Variants in CAST observed in about 807,000 individuals in gnomAD.
CAST encodes MIR583 host.
In CAST, 76 loss-of-function variants were observed where a neutral mutation model predicts 119.6. The observed-to-expected ratio is 0.64, with a 90% confidence interval of 0.53 to 0.77. The LOEUF (loss-of-function observed/expected upper bound fraction) is 0.77. Among genes scored for constraint, CAST ranks in the 30% least tolerant of loss-of-function variants. The probability of loss-of-function intolerance (pLI) is 0.00; values close to 1 mark genes in which losing one functional copy is unlikely to be tolerated. For synonymous variants in CAST, 319 were observed against 331.6 expected (o/e 0.96, Z 0.41); for missense variants, 953 against 946.5 (o/e 1.01, Z -0.09).
At chr5:96,211,282 T>G in the CAST span, among the ~76,000 whole-genome samples, 1 of 152,042 alleles carries the variant, frequency 6.6e-6, no homozygotes, top group East Asian at 1.9e-4. Context: ...CATCATTAAG[T>G]ATAATAGTGG....
chr5:96,638,346 C>A (rs944138610), intron 1 of CAST, among the ~76,000 whole-genome samples: 1 of 152,064 alleles, frequency 6.6e-6, no homozygotes, highest in African/African-American at 2.4e-5. Context: ...GTGGAGGTTG[C>A]AGTGAGCCAA....
At chr5:96,510,211 G>A in the CAST span, among the ~76,000 whole-genome samples, 1 of 152,204 alleles carries the variant, frequency 6.6e-6, no homozygotes, top group East Asian at 1.9e-4. Flanking sequence ...TGCTGCTGAT[G>A]AGTCTTGCAG....
the CAST span, among the ~76,000 whole-genome samples, chr5:96,303,109 T>A: frequency 2.6e-5 from 4 of 152,208 alleles, no homozygotes; most frequent in East Asian, 7.7e-4. Flanking sequence ...GAAACTTAAA[T>A]CATGGCGGAA....
chr5:96,150,498 G>A, the CAST span, among the ~76,000 whole-genome samples: 1 of 152,318 alleles, frequency 6.6e-6, no homozygotes, highest in African/African-American at 2.4e-5. Context: ...AGAGAACGCT[G>A]TCCTGTGTTT....
At chr5:96,378,628 G>T in the CAST span, among the ~76,000 whole-genome samples, 4 of 152,066 alleles carry the variant, frequency 2.6e-5, no homozygotes, top group Admixed American at 6.6e-5. Context: ...TAGCTCTAAA[G>T]ATATCCTTTA....
the CAST span, among the ~76,000 whole-genome samples, chr5:96,234,308 G>T: frequency 3.3e-5 from 5 of 152,210 alleles, no homozygotes; most frequent in Non-Finnish European, 7.3e-5. Context: ...TTCATGGAAG[G>T]CCGTAGTAGG....
At position 96,722,717 on chromosome 5, in the gene CAST, G is replaced by C. The variant is rs369472020; in HGVS notation, c.270+19G>C. The C allele has an allele frequency of 1.3e-6, 2 of 1,570,370 alleles. No individual in the cohort carries two copies. Among genetic ancestry groups the C allele is most frequent in the Non-Finnish European group, 1.8e-6 (2 of 1,140,098 alleles). On this transcript the variant is annotated intron_variant, in intron 4 of 31. Transcript: ENST00000675179. ...AACCAAGGTATGAAGAATGCTAATT[G>C]AGTGAGTGCTAATTTAAGTTGATTG...
At chr5:96,487,904 A>G in the CAST span, among the ~76,000 whole-genome samples, 1 of 152,214 alleles carries the variant, frequency 6.6e-6, no homozygotes, top group Non-Finnish European at 1.5e-5. Context: ...ATTATACATT[A>G]GGAACAAAAT....
chr5:96,428,487 G>A, the CAST span, among the ~76,000 whole-genome samples: 1 of 152,140 alleles, frequency 6.6e-6, no homozygotes, highest in Non-Finnish European at 1.5e-5. Context: ...TGTTGACCTT[G>A]AAAATAGACT....
At chr5:96,326,562 C>T in the CAST span, among the ~76,000 whole-genome samples, 1 of 152,086 alleles carries the variant, frequency 6.6e-6, no homozygotes, top group African/African-American at 2.4e-5. Context: ...TGATCATTCT[C>T]TTCACTGGGC....
the CAST span, among the ~76,000 whole-genome samples, chr5:96,106,546 T>C: frequency 1.3e-5 from 2 of 150,698 alleles, no homozygotes; most frequent in African/African-American, 4.9e-5. Flanking sequence ...AGTGAGATTC[T>C]TAATCCTGAG....
the CAST span, among the ~76,000 whole-genome samples, chr5:96,465,386 C>A: frequency 6.6e-6 from 1 of 151,972 alleles, no homozygotes; most frequent in African/African-American, 2.4e-5. Flanking sequence ...TATTCTTACA[C>A]CTTTTCTTTT....
At chr5:96,397,184 G>A in the CAST span, 1 of 703,622 alleles carries the variant, frequency 1.4e-6, no homozygotes, top group Non-Finnish European at 2.5e-6. Context: ...TAACCAAGTG[G>A]TCAGGGCTTG....
At chr5:96,231,232 A>G in the CAST span, among the ~76,000 whole-genome samples, 3 of 152,182 alleles carry the variant, frequency 2.0e-5, no homozygotes, top group African/African-American at 7.2e-5. Context: ...AACAACCGCA[A>G]TGTTCATGAA....
chr5:96,170,275 G>A, the CAST span, among the ~76,000 whole-genome samples: 1 of 152,214 alleles, frequency 6.6e-6, no homozygotes, highest in Non-Finnish European at 1.5e-5. Flanking sequence ...GATGGGACAC[G>A]ACTTAGGAGG....
intron 20 of CAST, among the ~76,000 whole-genome samples, chr5:96,753,233 C>T (rs768071409): frequency 2.0e-5 from 3 of 152,124 alleles, no homozygotes; most frequent in South Asian, 4.2e-4. Context: ...TGAGCTCAAA[C>T]AATCTTCCTG....
chr5:96,106,933 A>G, the CAST span, among the ~76,000 whole-genome samples: 2 of 140,064 alleles, frequency 1.4e-5, no homozygotes, highest in Non-Finnish European at 3.1e-5. Context: ...TATATTTAGG[A>G]TAGTTAGCTC....
the CAST span, among the ~76,000 whole-genome samples, chr5:96,238,511 C>A: frequency 6.6e-6 from 1 of 151,540 alleles, no homozygotes; most frequent in African/African-American, 2.4e-5. Flanking sequence ...CCTCAGCCTC[C>A]TGAGTAGCTG....
intron 1 of CAST, among the ~76,000 whole-genome samples, chr5:96,541,024 T>C (rs1228276542): frequency 6.6e-6 from 1 of 152,088 alleles, no homozygotes; most frequent in Non-Finnish European, 1.5e-5. Flanking sequence ...ATGTGCTCTT[T>C]GGCAAGAAGT....
Sources: gnomAD v4.1 joint callset for allele counts (sites outside exome capture counted in the v4.1 genomes callset) on GRCh38, gnomAD v4.1.1 for gene constraint, MANE v1.5 for transcripts, NCBI Gene and HGNC (gene_info 2026-07-23, HGNC 2026-07-21) for gene names.